Variants in HPSE2 observed in about 807,000 individuals in gnomAD.
The protein encoded by HPSE2 is heparanase 2 (inactive).
HPSE2 carries 38 observed loss-of-function variants against 60.5 expected under a neutral mutation model. That is an observed-to-expected ratio of 0.63 (90% confidence interval 0.48 to 0.82). The LOEUF is 0.82. Among genes scored for constraint, HPSE2 ranks in the 40% least tolerant of loss-of-function variants. The probability of loss-of-function intolerance (pLI) is 0.00; values close to 1 mark genes in which losing one functional copy is unlikely to be tolerated. For missense variants in HPSE2, 713 were observed against 740.4 expected (o/e 0.96, Z 0.43); for synonymous variants, 295 against 293.2 (o/e 1.01, Z -0.06).
intron 11 of HPSE2, among the ~76,000 whole-genome samples, chr10:98,463,763 C>G (rs1012549729): frequency 2.0e-5 from 3 of 152,128 alleles, no homozygotes; most frequent in Non-Finnish European, 2.9e-5. Context: ...TGAGACTGTG[C>G]CACTACACAC....
chr10:98,831,261 A>G (rs1162662474), intron 3 of HPSE2, among the ~76,000 whole-genome samples: 1 of 152,146 alleles, frequency 6.6e-6, no homozygotes, highest in African/African-American at 2.4e-5. Context: ...CTGTATTTGC[A>G]GGAGGGTGTA....
chr10:98,929,048 A>C (rs973922054), intron 3 of HPSE2, among the ~76,000 whole-genome samples: 2 of 143,378 alleles, frequency 1.4e-5, no homozygotes, highest in Non-Finnish European at 3.0e-5. Flanking sequence ...TAAAAGGAAA[A>C]AAACAAACAA....
chr10:98,689,282 C>T (rs1299050524), intron 6 of HPSE2, among the ~76,000 whole-genome samples: 9 of 152,024 alleles, frequency 5.9e-5, no homozygotes, highest in South Asian at 2.1e-4. Flanking sequence ...CATTTTTTTC[C>T]GCTACTTTTT....
At chr10:98,841,309 G>A (rs1462596946) in intron 3 of HPSE2, among the ~76,000 whole-genome samples, 2 of 152,056 alleles carry the variant, frequency 1.3e-5, no homozygotes, top group African/African-American at 4.8e-5. Flanking sequence ...TACCTATATG[G>A]TTCTTCCACA....
intron 9 of HPSE2, among the ~76,000 whole-genome samples, chr10:98,544,562 A>T (rs962087932): frequency 1.3e-5 from 2 of 151,604 alleles, no homozygotes; most frequent in African/African-American, 4.8e-5. Flanking sequence ...ACACAAAAAA[A>T]ATTAGCCGGG....
chr10:98,620,782 T>C (rs1946052662), intron 7 of HPSE2, 74 bp from the exon 8 acceptor site: 1 of 972,804 alleles, frequency 1.0e-6, no homozygotes, highest in South Asian at 1.4e-5. Context: ...AAACACACAT[T>C]CCCTTAAGGA....
At chr10:98,757,445 C>T (rs923406176) in intron 3 of HPSE2, among the ~76,000 whole-genome samples, 7 of 152,090 alleles carry the variant, frequency 4.6e-5, no homozygotes, top group Non-Finnish European at 1.0e-4. Flanking sequence ...AAAGACTCCA[C>T]CAAAAGGCTC....
At chr10:98,771,832 C>T (rs922192880) in intron 3 of HPSE2, among the ~76,000 whole-genome samples, 29 of 151,996 alleles carry the variant, frequency 1.9e-4, no homozygotes, top group East Asian at 5.8e-4. Context: ...TGTTGAGCAA[C>T]GTAGAAGTAC....
chr10:99,129,179 A>G (rs902356009), intron 3 of HPSE2, among the ~76,000 whole-genome samples: 2 of 152,196 alleles, frequency 1.3e-5, no homozygotes, highest in Non-Finnish European at 2.9e-5. Flanking sequence ...CAGCAACACA[A>G]TAATGGTGGG....
intron 9 of HPSE2, among the ~76,000 whole-genome samples, chr10:98,523,566 T>A (rs1942868316): frequency 6.6e-6 from 1 of 152,216 alleles, no homozygotes; most frequent in African/African-American, 2.4e-5. Flanking sequence ...ATTATGTAAT[T>A]TGATAATTCT....
At chr10:99,015,705 T>C (rs954786046) in intron 3 of HPSE2, among the ~76,000 whole-genome samples, 1 of 152,020 alleles carries the variant, frequency 6.6e-6, no homozygotes, top group Non-Finnish European at 1.5e-5. Flanking sequence ...CATTAGGAGA[T>C]ATACCTAATG....
At chr10:98,678,453 C>A (rs759030546) in intron 6 of HPSE2, among the ~76,000 whole-genome samples, 17 of 152,060 alleles carry the variant, frequency 1.1e-4, no homozygotes, top group Admixed American at 2.6e-4. Context: ...GTTTATGGGG[C>A]CTGAAAATCT....
intron 3 of HPSE2, among the ~76,000 whole-genome samples, chr10:98,878,786 T>C (rs1210786416): frequency 2.0e-5 from 3 of 151,964 alleles, no homozygotes; most frequent in Non-Finnish European, 4.4e-5. Context: ...AACATTACTC[T>C]GGCTCCAAGT....
chr10:98,920,043 T>A (rs1954237278), intron 3 of HPSE2, among the ~76,000 whole-genome samples: 1 of 152,164 alleles, frequency 6.6e-6, no homozygotes. Flanking sequence ...AGTCTCCAGC[T>A]GCTGTATGTT....
At chr10:98,639,434 A>C (rs745792050) in intron 7 of HPSE2, among the ~76,000 whole-genome samples, 1 of 152,198 alleles carries the variant, frequency 6.6e-6, no homozygotes. Flanking sequence ...AATTGCCAAA[A>C]GGTAAGTTCA....
intron 3 of HPSE2, among the ~76,000 whole-genome samples, chr10:98,857,340 C>T (rs1398039625): frequency 6.6e-6 from 1 of 152,092 alleles, no homozygotes; most frequent in Non-Finnish European, 1.5e-5. Flanking sequence ...AGAAATAAAA[C>T]ACCTTTATAT....
At chr10:98,736,357 C>T (rs1949358563) in intron 4 of HPSE2, among the ~76,000 whole-genome samples, 1 of 152,032 alleles carries the variant, frequency 6.6e-6, no homozygotes, top group African/African-American at 2.4e-5. Flanking sequence ...TCGAGTATGT[C>T]TTTATCAGCA....
intron 2 of HPSE2, among the ~76,000 whole-genome samples, chr10:99,227,869 A>ATATG (rs1476926330): frequency 1.4e-5 from 2 of 142,388 alleles, no homozygotes; most frequent in Non-Finnish European, 3.0e-5. Context: ...ATGTGTATAT[A>ATATG]TGTGTGTGTG....
intron 9 of HPSE2, among the ~76,000 whole-genome samples, chr10:98,548,796 C>T (rs1426707121): frequency 2.6e-5 from 4 of 152,120 alleles, no homozygotes; most frequent in Non-Finnish European, 5.9e-5. Flanking sequence ...CAGCATCTGG[C>T]ATCTTGAAAT....
Sources: gnomAD v4.1 joint callset for allele counts (sites outside exome capture counted in the v4.1 genomes callset) on GRCh38, gnomAD v4.1.1 for gene constraint, MANE v1.5 for transcripts, NCBI Gene and HGNC (gene_info 2026-07-23, HGNC 2026-07-21) for gene names.